The following CTTNBP2NL variants were observed in gnomAD, a reference collection of about 807,000 sequenced individuals.
CTTNBP2NL encodes CTTNBP2 N-terminal like.
Under a neutral mutation model 32.5 loss-of-function variants are expected in CTTNBP2NL, and 16 were observed. The observed-to-expected ratio is 0.49, with a 90% CI of 0.33 to 0.75. The LOEUF (loss-of-function observed/expected upper bound fraction) is 0.75, where lower values mean the gene tolerates loss of function less well. CTTNBP2NL is among the 30% of genes least tolerant of loss of function. The pLI, the probability that CTTNBP2NL is intolerant of heterozygous loss-of-function variation, is 0.02. For synonymous variants in CTTNBP2NL, 298 were observed against 289.4 expected (o/e 1.03, Z -0.30); for missense variants, 645 against 756.0 (o/e 0.85, Z 1.72).
chr1:112,395,994 A>G (rs958504500), upstream of CTTNBP2NL, among the ~76,000 whole-genome samples: 1 of 152,224 alleles, frequency 6.6e-6, no homozygotes, highest in Non-Finnish European at 1.5e-5. Flanking sequence ...GAAGCCCAGG[A>G]CCCAGGAGGG....
Position 112,456,971 on chromosome 1 carries a change from C to T in CTTNBP2NL, c.1479C>T (p.Asp493=). The T allele has an allele frequency of 6.2e-7, 1 of 1,614,118 alleles. No homozygotes were observed. Among genetic ancestry groups the T allele is most frequent in the Non-Finnish European group, 8.5e-7 (1 of 1,180,030 alleles). ...GGGATTTATCCCCCACCCTCATAGA[C>T]AACTCTGCCGCCAAGCAGCTGGCCC... is the stretch of plus-strand genomic sequence containing the variant. ...PSRDLSPTLI[D]NSAAKQLARN... Residue 493 remains aspartate, a synonymous_variant, in exon 6 of 6, where the codon GAC becomes GAT. Coordinates refer to ENST00000271277, the MANE Select transcript of CTTNBP2NL (RefSeq NM_018704.3).
At chr1:112,430,067 T>C (rs1649515215) in intron 3 of CTTNBP2NL, among the ~76,000 whole-genome samples, 1 of 152,168 alleles carries the variant, frequency 6.6e-6, no homozygotes, top group Non-Finnish European at 1.5e-5. Flanking sequence ...TGTTCATAAA[T>C]TGGCTATTTA....
chr1:112,452,645 C>CTTTTTTTTTTTTTTTTTTTTTTT (rs34842059), intron 4 of CTTNBP2NL, among the ~76,000 whole-genome samples: 8 of 133,092 alleles, frequency 6.0e-5, no homozygotes, highest in African/African-American at 2.5e-4. Flanking sequence ...CTCCTGGCCT[C>CTTTTTTTTTTTTTTTTTTTTTTT]TTTTTTTTTT....
chr1:112,424,972 C>T (rs1004694664), intron 3 of CTTNBP2NL, among the ~76,000 whole-genome samples: 15 of 151,320 alleles, frequency 9.9e-5, no homozygotes, highest in African/African-American at 2.9e-4. Flanking sequence ...CACACCACAA[C>T]GCCCAGCTAA....
intron 1 of CTTNBP2NL, among the ~76,000 whole-genome samples, chr1:112,409,462 G>A (rs1355416066): frequency 6.6e-6 from 1 of 151,990 alleles, no homozygotes; most frequent in Non-Finnish European, 1.5e-5. Context: ...TCTATGTCAG[G>A]AGCTATCTAA....
At chr1:112,397,529 A>G (rs995412345) in intron 1 of CTTNBP2NL, among the ~76,000 whole-genome samples, 10 of 152,318 alleles carry the variant, frequency 6.6e-5, no homozygotes, top group African/African-American at 2.2e-4. Flanking sequence ...TAAATCTCAG[A>G]GATAAGAGTA....
intron 3 of CTTNBP2NL, among the ~76,000 whole-genome samples, chr1:112,429,420 G>A (rs1247197367): frequency 6.6e-6 from 1 of 152,188 alleles, no homozygotes; most frequent in Non-Finnish European, 1.5e-5. Context: ...GCTGAAGCAG[G>A]AGGATCACTT....
chr1:112,396,733 G>C (rs1032724283), intron 1 of CTTNBP2NL: 9 of 152,248 alleles, frequency 5.9e-5, no homozygotes, highest in Non-Finnish European at 1.0e-4. Flanking sequence ...AAAAAGGAGG[G>C]ATGGGGCGAA....
upstream of CTTNBP2NL, among the ~76,000 whole-genome samples, chr1:112,393,616 A>C (rs1648235932): frequency 6.6e-6 from 1 of 152,210 alleles, no homozygotes; most frequent in Admixed American, 6.5e-5. Flanking sequence ...CACTGCTACA[A>C]TCTGAAAGAT....
rs17030336 is a variant in CTTNBP2NL, at chr1:112,456,842, G to C, written c.1350G>C (p.Ser450=). ...SSASSPGYQS[S]YQVGINQRFH... Reference sequence around the variant, plus strand: ...CTAGCAGCCCTGGCTACCAGTCATCGTACCAAGTAGGGATCAACCAACGGT... The same window carrying C: ...CTAGCAGCCCTGGCTACCAGTCATCCTACCAAGTAGGGATCAACCAACGGT... Residue 450 remains serine, a synonymous_variant, in exon 6 of 6, where the codon TCG becomes TCC. Coordinates refer to ENST00000271277, the MANE Select transcript of CTTNBP2NL (RefSeq NM_018704.3). 0.01 allele frequency: 16,355 copies of C among 1,613,978 alleles called. 1,398 individuals are homozygous for C. The African/African-American group carries it at 0.19, about 19-fold the overall frequency.
intron 1 of CTTNBP2NL, among the ~76,000 whole-genome samples, chr1:112,409,217 C>T (rs1648783111): frequency 6.6e-6 from 1 of 151,792 alleles, no homozygotes; most frequent in East Asian, 1.9e-4. Flanking sequence ...ACTTTGCTCA[C>T]CAATACTAAA....
chr1:112,403,034 C>G (rs968197611), intron 1 of CTTNBP2NL, among the ~76,000 whole-genome samples: 1 of 152,058 alleles, frequency 6.6e-6, no homozygotes, highest in Non-Finnish European at 1.5e-5. Context: ...GGATTATTTC[C>G]CCTCTTACCT....
intron 1 of CTTNBP2NL, among the ~76,000 whole-genome samples, chr1:112,400,220 C>G (rs1438868931): frequency 6.6e-6 from 1 of 152,218 alleles, no homozygotes; most frequent in Non-Finnish European, 1.5e-5. Flanking sequence ...ACAACACAGA[C>G]TTTAAAGGCA....
chr1:112,433,571 G>A (rs948014192), intron 3 of CTTNBP2NL, among the ~76,000 whole-genome samples: 4 of 152,196 alleles, frequency 2.6e-5, no homozygotes, highest in Admixed American at 6.5e-5. Flanking sequence ...CAGCTCGGGC[G>A]ACAGAGCAAG....
chr1:112,437,878 A>G (rs894497337), intron 3 of CTTNBP2NL, among the ~76,000 whole-genome samples: 1 of 152,286 alleles, frequency 6.6e-6, no homozygotes, highest in South Asian at 2.1e-4. Flanking sequence ...CATAGTTTGC[A>G]AATATTTTCT....
At chr1:112,450,599 G>A (rs1650186265) in intron 4 of CTTNBP2NL, among the ~76,000 whole-genome samples, 1 of 152,126 alleles carries the variant, frequency 6.6e-6, no homozygotes, top group African/African-American at 2.4e-5. Context: ...GTTGAAGCTA[G>A]TTGGGCTAGC....
chr1:112,436,457 T>C (rs1649733325), intron 3 of CTTNBP2NL, among the ~76,000 whole-genome samples: 3 of 152,178 alleles, frequency 2.0e-5, no homozygotes, highest in Admixed American at 6.5e-5. Context: ...GAAGAGCTCA[T>C]GTCACCAAAG....
intron 3 of CTTNBP2NL, among the ~76,000 whole-genome samples, chr1:112,422,606 A>G (rs755019561): frequency 6.6e-6 from 1 of 152,196 alleles, no homozygotes; most frequent in Admixed American, 6.5e-5. Flanking sequence ...CATTCCACAG[A>G]TATATCCAGT....
intron 3 of CTTNBP2NL, among the ~76,000 whole-genome samples, chr1:112,423,284 TA>T (rs550159921): frequency 1.5e-3 from 222 of 152,308 alleles, no homozygotes; most frequent in African/African-American, 5.2e-3. Context: ...CTATTTTTTT[TA>T]CAGTTAAGAT....
Sources: gnomAD v4.1 joint callset for allele counts (sites outside exome capture counted in the v4.1 genomes callset) on GRCh38, gnomAD v4.1.1 for gene constraint, MANE v1.5 for transcripts, NCBI Gene and HGNC (gene_info 2026-07-23, HGNC 2026-07-21) for gene names.